Variants in ST6GALNAC5 observed in about 807,000 individuals in gnomAD.
ST6GALNAC5 encodes the protein alpha-N-acetylgalactosaminide alpha-2,6-sialyltransferase 5.
In ST6GALNAC5, 27 loss-of-function variants were observed where a neutral mutation model predicts 33.6. That is an observed-to-expected ratio of 0.80 (90% confidence interval 0.59 to 1.11). The LOEUF is 1.11. Ranked by LOEUF, ST6GALNAC5 falls within the 50% of genes least tolerant of loss-of-function variation. The pLI, the probability that ST6GALNAC5 is intolerant of heterozygous loss-of-function variation, is 0.00. For synonymous variants in ST6GALNAC5, 194 were observed against 171.2 expected (o/e 1.13, Z -1.04); for missense variants, 428 against 454.0 (o/e 0.94, Z 0.52).
intron 2 of ST6GALNAC5, among the ~76,000 whole-genome samples, chr1:77,016,196 A>C (rs377682511): frequency 6.9e-5 from 1 of 14,450 alleles, no homozygotes; most frequent in African/African-American, 3.7e-4. Context: ...CTCCTCCTGT[A>C]TCTCCTCCCC....
At chr1:76,913,059 T>G (rs1268936849) in intron 2 of ST6GALNAC5, among the ~76,000 whole-genome samples, 2 of 152,076 alleles carry the variant, frequency 1.3e-5, no homozygotes, top group Admixed American at 6.6e-5. Context: ...GCTGGTACCG[T>G]TTGTTCCTTT....
chr1:76,895,296 G>A (rs1465110547), intron 2 of ST6GALNAC5, among the ~76,000 whole-genome samples: 1 of 151,956 alleles, frequency 6.6e-6, no homozygotes, highest in Non-Finnish European at 1.5e-5. Context: ...AATTTTGGGG[G>A]GGTGATATGG....
chr1:76,941,897 G>T (rs1474057748), intron 2 of ST6GALNAC5, among the ~76,000 whole-genome samples: 1 of 152,100 alleles, frequency 6.6e-6, no homozygotes, highest in Non-Finnish European at 1.5e-5. Context: ...TAATACACCT[G>T]CCAGCTGCAA....
intron 3 of ST6GALNAC5, among the ~76,000 whole-genome samples, chr1:77,048,690 A>C (rs1652097589): frequency 6.6e-6 from 1 of 152,232 alleles, no homozygotes; most frequent in Non-Finnish European, 1.5e-5. Context: ...GTTGCTAAAA[A>C]GCACCAAAAA....
At chr1:76,889,275 TATTAGCATTATTGTGGTTGTTTCAC>T (rs1653964220) in intron 2 of ST6GALNAC5, among the ~76,000 whole-genome samples, 1 of 152,136 alleles carries the variant, frequency 6.6e-6, no homozygotes, top group African/African-American at 2.4e-5. Context: ...CCAAATTGGA[TATTAGCATTATTGTGGTTGTTTCAC>T]ATTAGCATTA....
chr1:77,063,328 C>G lies in ST6GALNAC5; in HGVS notation c.*122C>G. The G allele has an allele frequency of 1.2e-6, 1 of 821,388 alleles. No homozygotes were observed. The highest frequency in any genetic ancestry group is 1.7e-5 in the South Asian group (1 of 58,054). The allele number at this position is 821,388 out of a possible 1,614,324, so 50.9% of individuals were successfully genotyped here. On this transcript the variant is annotated 3_prime_UTR_variant, in exon 5 of 5. Transcript: ENST00000477717. ...AACAGCTTCACTCCTCAGGAAGTAC[C>G]ATGGACAGACGCCTACCAGGGGTGA...
At position 76,868,957 on chromosome 1, in the gene ST6GALNAC5, T is replaced by G; in HGVS notation, c.261+215T>G. 1.4e-6 allele frequency: 1 copy of G among 721,682 alleles called. No homozygotes were observed. Among genetic ancestry groups the G allele is most frequent in the East Asian group, 3.3e-5 (1 of 30,754 alleles). 44.7% of individuals were successfully genotyped at this position (721,682 alleles called of 1,614,324 possible). A position where few individuals can be genotyped will look rare whatever the true frequency, so the allele number is the denominator to read the frequency against. Reference sequence around the variant, plus strand: ...AGTTTTGTAGAAAATAGGGGTGAGGTGCGTGGACCCCAAAGCCTAATTTCC... The same window carrying G: ...AGTTTTGTAGAAAATAGGGGTGAGGGGCGTGGACCCCAAAGCCTAATTTCC... On this transcript the variant is annotated intron_variant, in intron 2 of 4. Transcript: ENST00000477717. This position sits in a 1 kb window ranked among gnomAD's most constrained non-coding sequence, Gnocchi z 4.3.
At chr1:76,951,052 G>A (rs1378940307) in intron 2 of ST6GALNAC5, among the ~76,000 whole-genome samples, 1 of 152,018 alleles carries the variant, frequency 6.6e-6, no homozygotes, top group African/African-American at 2.4e-5. Context: ...AATTGAAACT[G>A]ACCCAGCTCA....
intron 2 of ST6GALNAC5, among the ~76,000 whole-genome samples, chr1:77,027,753 A>G (rs2100444472): frequency 6.6e-6 from 1 of 152,270 alleles, no homozygotes; most frequent in East Asian, 1.9e-4. Context: ...TCAGCTTTAG[A>G]CGTGTTTGGT....
chr1:76,890,189 C>T (rs924244180), intron 2 of ST6GALNAC5, among the ~76,000 whole-genome samples: 1 of 152,206 alleles, frequency 6.6e-6, no homozygotes, highest in South Asian at 2.1e-4. Flanking sequence ...TAAGCCTAGA[C>T]CTTCTGCACA....
intron 2 of ST6GALNAC5, among the ~76,000 whole-genome samples, chr1:76,976,495 A>G (rs1649018095): frequency 6.6e-6 from 1 of 152,124 alleles, no homozygotes; most frequent in East Asian, 1.9e-4. Flanking sequence ...TCACTGTATA[A>G]TTACCCATTC....
At chr1:76,955,799 T>C (rs1647933769) in intron 2 of ST6GALNAC5, among the ~76,000 whole-genome samples, 1 of 152,210 alleles carries the variant, frequency 6.6e-6, no homozygotes. Flanking sequence ...GCTGATTTTC[T>C]ACTAAGTGTC....
intron 2 of ST6GALNAC5, among the ~76,000 whole-genome samples, chr1:77,005,241 G>A (rs12123297): frequency 0.18 from 26,992 of 152,218 alleles, 2,686 homozygotes; most frequent in South Asian, 0.29. Flanking sequence ...TCAGGTGGGA[G>A]TGACCCGATT....
chr1:77,061,810 C>T (rs1003155341), intron 4 of ST6GALNAC5, among the ~76,000 whole-genome samples: 1 of 152,160 alleles, frequency 6.6e-6, no homozygotes. Flanking sequence ...ATCCTATGCA[C>T]ACCATCTTGA....
intron 2 of ST6GALNAC5, among the ~76,000 whole-genome samples, chr1:76,950,187 G>T (rs1306064707): frequency 6.6e-6 from 1 of 152,106 alleles, no homozygotes; most frequent in East Asian, 1.9e-4. Flanking sequence ...ACTGAGATGA[G>T]AACTGGCATC....
intron 2 of ST6GALNAC5, among the ~76,000 whole-genome samples, chr1:76,966,762 G>C (rs977020420): frequency 6.6e-6 from 1 of 152,196 alleles, no homozygotes; most frequent in Non-Finnish European, 1.5e-5. Context: ...ATTATTTTGA[G>C]ATACGTTCCA....
intron 4 of ST6GALNAC5, among the ~76,000 whole-genome samples, chr1:77,057,232 T>G (rs983929380): frequency 2.0e-5 from 3 of 152,206 alleles, no homozygotes; most frequent in African/African-American, 7.2e-5. Context: ...GCCTTCTGCA[T>G]AGTCCAGCCC....
At chr1:77,054,879 C>A (rs1296165900) in intron 4 of ST6GALNAC5, among the ~76,000 whole-genome samples, 1 of 152,088 alleles carries the variant, frequency 6.6e-6, no homozygotes, top group African/African-American at 2.4e-5. Context: ...GATAGCATTG[C>A]ATTCACATTT....
chr1:76,924,323 T>C (rs1287316345), intron 2 of ST6GALNAC5, among the ~76,000 whole-genome samples: 1 of 152,158 alleles, frequency 6.6e-6, no homozygotes, highest in Non-Finnish European at 1.5e-5. Flanking sequence ...GAGGAGAAGA[T>C]TAATTTGACT....
Sources: gnomAD v4.1 joint callset for allele counts (sites outside exome capture counted in the v4.1 genomes callset) on GRCh38, gnomAD v4.1.1 for gene constraint, Gnocchi (gnomAD v3.1) non-coding constraint, MANE v1.5 for transcripts, NCBI Gene and HGNC (gene_info 2026-07-23, HGNC 2026-07-21) for gene names.